Variants in RBFOX3 observed in about 807,000 individuals in gnomAD.
RBFOX3 encodes the protein RNA binding fox-1 homolog 3.
RBFOX3 carries 17 observed loss-of-function variants against 48.7 expected under a neutral mutation model. The observed-to-expected ratio is 0.35, with a 90% CI of 0.24 to 0.52. The LOEUF is 0.52. Ranked by LOEUF, RBFOX3 falls within the 20% of genes least tolerant of loss-of-function variation. RBFOX3 has a pLI of 0.94. For missense variants in RBFOX3, 382 were observed against 497.5 expected (o/e 0.77, Z 2.21); for synonymous variants, 212 against 209.5 (o/e 1.01, Z -0.10).
At chr17:79,127,145 C>T (rs930213411) in intron 4 of RBFOX3, among the ~76,000 whole-genome samples, 1 of 152,210 alleles carries the variant, frequency 6.6e-6, no homozygotes, top group Non-Finnish European at 1.5e-5. Flanking sequence ...TGAATCCGGG[C>T]CAGCCTTCCA....
At chr17:79,115,407 C>T in intron 5 of RBFOX3, 87 bp downstream of exon 5, 1 of 867,388 alleles carries the variant, frequency 1.2e-6, no homozygotes, top group Non-Finnish European at 1.6e-6. Flanking sequence ...CCTGGTACAC[C>T]TCATGCCCTT....
At chr17:79,589,272 G>A (rs1010207289) in intron 1 of RBFOX3, among the ~76,000 whole-genome samples, 3 of 146,746 alleles carry the variant, frequency 2.0e-5, no homozygotes, top group Admixed American at 6.9e-5. Context: ...TTCTTCTGGG[G>A]GCTCTGAGCG....
At position 79,325,774 on chromosome 17, in the gene RBFOX3, G is replaced by A. The variant is rs377532678; in HGVS notation, c.-174-17950C>T. On this transcript the variant is annotated intron_variant, in intron 2 of 14. Coordinates refer to ENST00000693108, the MANE Select transcript of RBFOX3 (RefSeq NM_001350451.2). ...CCAACCTCTTGGATATTTATCGTTC[G>A]CTCCCTCCTAAATCATTCCTGACGG... Among the ~76,000 whole-genome samples, 9 of 152,098 alleles carry A rather than the reference G, an allele frequency of 5.9e-5. No homozygotes were observed. The East Asian group carries it at 9.7e-4, about 16-fold the overall frequency.
intron 2 of RBFOX3, among the ~76,000 whole-genome samples, chr17:79,331,037 C>T (rs531231882): frequency 1.8e-4 from 28 of 152,292 alleles, no homozygotes; most frequent in Non-Finnish European, 2.8e-4. Context: ...TTTAAAGAAA[C>T]GTATATCTGC....
chr17:79,119,683 G>A (rs1009221731), intron 4 of RBFOX3, among the ~76,000 whole-genome samples: 4 of 152,200 alleles, frequency 2.6e-5, no homozygotes, highest in Non-Finnish European at 5.9e-5. Context: ...AGCCTGGACA[G>A]AGGAAATGCA....
At chr17:79,545,393 A>G (rs1236779454) in intron 1 of RBFOX3, among the ~76,000 whole-genome samples, 1 of 152,182 alleles carries the variant, frequency 6.6e-6, no homozygotes, top group Non-Finnish European at 1.5e-5. Flanking sequence ...GGAAGAAGAG[A>G]AAACAGCCTG....
intron 5 of RBFOX3, among the ~76,000 whole-genome samples, chr17:79,112,405 G>A (rs1484585474): frequency 1.3e-5 from 2 of 152,166 alleles, no homozygotes; most frequent in Non-Finnish European, 2.9e-5. Flanking sequence ...ACCAATTGCT[G>A]GCTGGAAACC....
chr17:79,276,991 C>A (rs564420989), intron 3 of RBFOX3, among the ~76,000 whole-genome samples: 1 of 152,196 alleles, frequency 6.6e-6, no homozygotes, highest in South Asian at 2.1e-4. Flanking sequence ...TCTGCTATGG[C>A]TCCCAGTGAG....
intron 1 of RBFOX3, among the ~76,000 whole-genome samples, chr17:79,597,166 T>C (rs1283921854): frequency 6.6e-6 from 1 of 152,072 alleles, no homozygotes; most frequent in Non-Finnish European, 1.5e-5. Flanking sequence ...TGTGAGCTCG[T>C]GAGTTTGCCA....
chr17:79,497,393 G>A (rs979405952), intron 1 of RBFOX3, among the ~76,000 whole-genome samples: 1 of 152,146 alleles, frequency 6.6e-6, no homozygotes, highest in Non-Finnish European at 1.5e-5. Context: ...CCAATGGACC[G>A]CAGAGTCTTT....
At chr17:79,125,396 C>T (rs1291399851) in intron 4 of RBFOX3, among the ~76,000 whole-genome samples, 1 of 152,244 alleles carries the variant, frequency 6.6e-6, no homozygotes, top group Non-Finnish European at 1.5e-5. Flanking sequence ...AAGCACCCTC[C>T]ATCTTCCAGA....
At chr17:79,250,236 G>A (rs147836622) in intron 3 of RBFOX3, among the ~76,000 whole-genome samples, 1,748 of 152,264 alleles carry the variant, frequency 0.011, 37 homozygotes, top group African/African-American at 0.04. Flanking sequence ...CCCATGTCCC[G>A]GTGAACGTCC....
chr17:79,156,132 G>A (rs1050286717), intron 4 of RBFOX3, among the ~76,000 whole-genome samples: 5 of 152,210 alleles, frequency 3.3e-5, no homozygotes. Context: ...AAAAGGTCTT[G>A]GGAAGGAGGA....
intron 2 of RBFOX3, among the ~76,000 whole-genome samples, chr17:79,396,503 G>A (rs1002901318): frequency 3.3e-5 from 5 of 152,184 alleles, no homozygotes; most frequent in African/African-American, 1.2e-4. Context: ...TTTCCAGAAA[G>A]GGGGAAAGGA....
intron 1 of RBFOX3, among the ~76,000 whole-genome samples, chr17:79,524,324 C>G (rs2086515547): frequency 6.6e-6 from 1 of 152,298 alleles, no homozygotes; most frequent in Non-Finnish European, 1.5e-5. Flanking sequence ...TCTCAGCATT[C>G]AAGCAGGCAA....
At chr17:79,398,523 G>A (rs1402156293) in intron 2 of RBFOX3, among the ~76,000 whole-genome samples, 4 of 152,036 alleles carry the variant, frequency 2.6e-5, no homozygotes, top group Non-Finnish European at 2.9e-5. Flanking sequence ...GGAGGGACAC[G>A]TGGCAATGTC....
At chr17:79,203,817 A>G (rs1487018595) in intron 4 of RBFOX3, among the ~76,000 whole-genome samples, 1 of 152,074 alleles carries the variant, frequency 6.6e-6, no homozygotes, top group African/African-American at 2.4e-5. Flanking sequence ...TTTTTGGTGT[A>G]CCAATTGTAT....
chr17:79,521,037 G>A (rs920916755), intron 1 of RBFOX3, among the ~76,000 whole-genome samples: 40 of 152,306 alleles, frequency 2.6e-4, no homozygotes, highest in African/African-American at 9.1e-4. Context: ...TGCTGCCAGC[G>A]CCACTCCTGG....
intron 4 of RBFOX3, among the ~76,000 whole-genome samples, chr17:79,148,356 G>A (rs2043512542): frequency 6.6e-6 from 1 of 152,194 alleles, no homozygotes; most frequent in Non-Finnish European, 1.5e-5. Flanking sequence ...AAGTCTAGAT[G>A]TTTCTAGAAG....
Sources: gnomAD v4.1 joint callset for allele counts (sites outside exome capture counted in the v4.1 genomes callset) on GRCh38, gnomAD v4.1.1 for gene constraint, MANE v1.5 for transcripts, NCBI Gene and HGNC (gene_info 2026-07-23, HGNC 2026-07-21) for gene names.